The following TACC1 variants were observed in gnomAD, a reference collection of about 807,000 sequenced individuals.
TACC1 encodes transforming acidic coiled-coil-containing protein 1.
In TACC1, 48 loss-of-function variants were observed where a neutral mutation model predicts 84.4. The ratio of observed to expected loss-of-function variants is 0.57; its 90% CI spans 0.45 to 0.72. The LOEUF (loss-of-function observed/expected upper bound fraction) is 0.72, where lower values mean the gene tolerates loss of function less well. TACC1 is among the 30% of genes least tolerant of loss of function. The pLI is 0.00. For synonymous variants in TACC1, 372 were observed against 376.3 expected (o/e 0.99, Z 0.13); for missense variants, 920 against 973.0 (o/e 0.95, Z 0.72).
upstream of TACC1, among the ~76,000 whole-genome samples, chr8:38,784,614 C>T (rs114207350): frequency 9.5e-3 from 1,447 of 152,016 alleles, 30 homozygotes; most frequent in African/African-American, 0.033. Context: ...CTTAATCTTA[C>T]TGGGGCCATC....
chr8:38,785,631 A>G (rs1816990801), upstream of TACC1: 1 of 908,930 alleles, frequency 1.1e-6, no homozygotes, highest in Non-Finnish European at 1.3e-6. Flanking sequence ...AACAGGTCCT[A>G]GTGTATGCTA....
intron 6 of TACC1, among the ~76,000 whole-genome samples, chr8:38,831,670 A>AT (rs1829275335): frequency 6.6e-6 from 1 of 151,916 alleles, no homozygotes; most frequent in African/African-American, 2.4e-5. Flanking sequence ...TAGTTTTTGT[A>AT]TTTTTTGCAG....
At chr8:38,829,164 A>G (rs970795916) in intron 5 of TACC1, among the ~76,000 whole-genome samples, 2 of 152,214 alleles carry the variant, frequency 1.3e-5, no homozygotes, top group Non-Finnish European at 2.9e-5. Flanking sequence ...AGATCTTCTT[A>G]ACATAATTTT....
intron 2 of TACC1, chr8:38,805,729 T>G (rs758646395): frequency 1.3e-5 from 2 of 152,202 alleles, no homozygotes; most frequent in Non-Finnish European, 2.9e-5. Context: ...GTGGTTCAAT[T>G]TTAGGGCTTC....
chr8:38,843,373 CACG>C lies in TACC1; in HGVS notation c.2207_2209del (p.His736_Ala737delinsPro). The C allele has an allele frequency of 6.2e-7, 1 of 1,607,352 alleles. No homozygotes were observed. The highest frequency in any genetic ancestry group is 8.5e-7 in the Non-Finnish European group (1 of 1,176,570). On this transcript the variant is annotated inframe_deletion, in exon 11 of 13. Transcript: ENST00000317827. ...GCAGCGATACCAGGCCCTGAAAATC[CACG>C]CAGAAGAGAAACTGGACAAGTAAGA... is the stretch of plus-strand genomic sequence containing the variant.
intron 3 of TACC1, chr8:38,757,441 T>C: frequency 8.7e-7 from 1 of 1,146,432 alleles, no homozygotes; most frequent in Non-Finnish European, 1.1e-6. Flanking sequence ...AAGGGCCGCC[T>C]TTGGGGGTTT....
chr8:38,829,973 CA>C, intron 5 of TACC1, among the ~76,000 whole-genome samples: 1 of 152,130 alleles, frequency 6.6e-6, no homozygotes, highest in Non-Finnish European at 1.5e-5. Context: ...GAGATTTTCA[CA>C]CAGCCATGGG....
chr8:38,821,284 G>A (rs756821882), intron 3 of TACC1, among the ~76,000 whole-genome samples: 1 of 152,054 alleles, frequency 6.6e-6, no homozygotes, highest in Admixed American at 6.5e-5. Flanking sequence ...GTTAGGAGTC[G>A]TGTTATAGAC....
Position 38,851,872 on chromosome 8 carries a change from G to A in TACC1, c.*3849G>A. 1 of 454,524 alleles carries A rather than the reference G, an allele frequency of 2.2e-6. No individual in the cohort carries two copies. The highest frequency in any genetic ancestry group is 4.4e-6 in the Non-Finnish European group (1 of 226,336). The allele number at this position is 454,524 out of a possible 1,614,324, so 28.2% of individuals were successfully genotyped here. ...GAATGTCAAGCCAAAGGTCTAAGAA[G>A]TCATCTCCTTCAAATACTTTAATAA... On this transcript the variant is annotated 3_prime_UTR_variant, in exon 13 of 13. Transcript: ENST00000317827.
chr8:38,783,067 TATCTATC>T (rs1314771846), upstream of TACC1, among the ~76,000 whole-genome samples: 2 of 64,550 alleles, frequency 3.1e-5, no homozygotes, highest in African/African-American at 9.8e-5. Context: ...GTAGTGTAAA[TATCTATC>T]TATCTATCTA....
intron 2 of TACC1, among the ~76,000 whole-genome samples, chr8:38,812,589 A>T (rs1023357094): frequency 4.6e-5 from 7 of 152,126 alleles, no homozygotes; most frequent in Non-Finnish European, 7.4e-5. Context: ...CCATTTTTAC[A>T]CTCTTTAATC....
chr8:38,764,452 C>T (rs1223456058), intron 3 of TACC1, among the ~76,000 whole-genome samples: 4 of 149,922 alleles, frequency 2.7e-5, no homozygotes, highest in East Asian at 2.0e-4. Context: ...AAAAGCAATC[C>T]TGTTTTAATT....
chr8:38,827,351 C>G lies in TACC1; in HGVS notation c.1636C>G (p.His546Asp). The change falls in exon 5 of 13, where the codon CAT becomes GAT. Residue 546 changes from histidine to aspartate, a missense_variant. Physicochemically the swap from His to Asp is moderately conservative, Grantham distance 81 (BLOSUM62 -1). Around this residue, in one of 2 missense-constraint regions of TACC1, gnomAD observed 762 missense variants for 747.3 expected, o/e 1.02. Transcript: ENST00000317827. ...CAATGTTCCTGTGTCTACCATAAATCATGCGTTTTCATCCTCAGAAGCAGG... is the reference window on the plus strand; with the variant it reads ...CAATGTTCCTGTGTCTACCATAAATGATGCGTTTTCATCCTCAGAAGCAGG... ...CSNVPVSTIN[H>D]AFSSSEAGIE... 1 of 1,614,186 alleles carries G rather than the reference C, an allele frequency of 6.2e-7. No homozygotes were observed.
intron 3 of TACC1, among the ~76,000 whole-genome samples, chr8:38,758,084 T>C (rs1810464389): frequency 6.6e-6 from 1 of 152,172 alleles, no homozygotes; most frequent in Non-Finnish European, 1.5e-5. Context: ...GGGATAACAA[T>C]TTATTTGGAA....
chr8:38,754,047 G>C (rs11991738), intron 3 of TACC1, among the ~76,000 whole-genome samples: 1 of 150,698 alleles, frequency 6.6e-6, no homozygotes, highest in East Asian at 1.9e-4. Flanking sequence ...TCTGCCTCCC[G>C]GGTTCAAGCG....
chr8:38,796,899 T>A (rs1201488966), intron 2 of TACC1, among the ~76,000 whole-genome samples: 1 of 152,216 alleles, frequency 6.6e-6, no homozygotes, highest in Non-Finnish European at 1.5e-5. Context: ...AACGAACATC[T>A]CACATAGTCT....
chr8:38,851,773 T>C lies in TACC1; in HGVS notation c.*3750T>C, dbSNP rs570328551. 8.7e-6 allele frequency: 3 copies of C among 345,284 alleles called. No homozygotes were observed. The highest frequency in any genetic ancestry group is 6.4e-5 in the African/African-American group (3 of 46,768). The allele number at this position is 345,284 out of a possible 1,614,324, so 21.4% of individuals were successfully genotyped here. A position where few individuals can be genotyped will look rare whatever the true frequency, so the allele number is the denominator to read the frequency against. ...CAAGCGAGGGATTTTAAAGTAAAGA[T>C]GTATTTATTCTGAAGAATCTAAAAG... On this transcript the variant is annotated 3_prime_UTR_variant, in exon 13 of 13. Transcript: ENST00000317827.
At position 38,851,270 on chromosome 8, in the gene TACC1, C is replaced by CTTTT. The variant is rs1564042083; in HGVS notation, c.*3247_*3248insTTTT. ...AGCTCAAGTTGAATTTTCTTTCCAG[C>CTTTT]CAGTTACCCTTTCAACCTACCCATA... On this transcript the variant is annotated 3_prime_UTR_variant, in exon 13 of 13. Coordinates refer to ENST00000317827, the MANE Select transcript of TACC1 (RefSeq NM_006283.3). 6.6e-6 allele frequency: 1 copy of CTTTT among 152,206 alleles called. No individual in the cohort carries two copies. The highest frequency in any genetic ancestry group is 1.5e-5 in the Non-Finnish European group (1 of 68,060). 9.4% of individuals were successfully genotyped at this position (152,206 alleles called of 1,614,324 possible).
intron 1 of TACC1, among the ~76,000 whole-genome samples, chr8:38,736,295 T>C (rs543538425): frequency 6.6e-6 from 1 of 152,284 alleles, no homozygotes; most frequent in South Asian, 2.1e-4. Context: ...AATAAAACAT[T>C]GTTCCAAATA....
Sources: allele counts gnomAD v4.1 joint callset (sites outside exome capture counted in the v4.1 genomes callset), GRCh38; gene constraint gnomAD v4.1.1; regional missense constraint gnomAD v4.1.1; transcripts MANE v1.5; gene names NCBI Gene and HGNC (gene_info 2026-07-23, HGNC 2026-07-21).